NRG1: variants seen among roughly 807,000 people sequenced by gnomAD.
NRG1 encodes the protein pro-neuregulin-1, membrane-bound isoform.
Under a neutral mutation model 63.8 loss-of-function variants are expected in NRG1, and 18 were observed. The ratio of observed to expected loss-of-function variants is 0.28; its 90% CI spans 0.19 to 0.42. The LOEUF (loss-of-function observed/expected upper bound fraction) is 0.42. Among genes scored for constraint, NRG1 ranks in the 10% least tolerant of loss-of-function variants. The pLI, the probability that NRG1 is intolerant of heterozygous loss-of-function variation, is 1.00. For synonymous variants in NRG1, 302 were observed against 301.3 expected, an observed-to-expected ratio of 1.00 and a Z score of -0.02; for missense variants, 762 against 814.7, an observed-to-expected ratio of 0.94 and a Z score of 0.79.
rs1482364979 is a variant in NRG1, at chr8:32,742,701, G to A, written c.659G>A (p.Arg220His). The change falls in exon 7 of 12, where the codon CGC (arginine) becomes CAC (histidine). Residue 220 changes from arginine (R) to histidine (H), a missense_variant. This residue lies in a region of NRG1 where 122 missense variants were observed against 190.1 expected (regional missense o/e 0.64). Coordinates refer to ENST00000356819, the Ensembl canonical transcript of NRG1. This position sits in a 1 kb window ranked among gnomAD's most constrained non-coding sequence, Gnocchi z 4.2. ...TGCCCAAATGAGTTTACTGGTGATC[G>A]CTGCCAAAACTACGTAATGGCCAGC... The A allele has an allele frequency of 2.5e-6, 4 of 1,613,062 alleles. No homozygotes were observed. The highest frequency in any genetic ancestry group is 1.1e-5 in the South Asian group (1 of 91,026).
At chr8:32,595,349 C>T (rs60352007) in intron 1 of NRG1, among the ~76,000 whole-genome samples, 6,078 of 151,942 alleles carry the variant, frequency 0.04, 403 homozygotes, top group African/African-American at 0.14. Context: ...GCCACCATGC[C>T]GAGCTAATTT....
chr8:32,524,624 C>A (rs1340984514), intron 1 of NRG1, among the ~76,000 whole-genome samples: 1 of 152,098 alleles, frequency 6.6e-6, no homozygotes, highest in Admixed American at 6.6e-5. Flanking sequence ...AAACCAGACA[C>A]CGGTTTTTCC....
At chr8:32,390,673 A>C (rs1811634792) in intron 1 of NRG1, among the ~76,000 whole-genome samples, 1 of 151,836 alleles carries the variant, frequency 6.6e-6, no homozygotes, top group Non-Finnish European at 1.5e-5. Flanking sequence ...TTGAGACTAG[A>C]CACCCTCTTA....
At position 32,196,050 on chromosome 8, in the gene NRG1, T is replaced by C. The variant is rs139111316; in HGVS notation, c.38-399778T>C. On this transcript the variant is annotated intron_variant, in intron 1 of 10. Transcript: ENST00000519301. ...GTTACTAATAGTATTAGTTATTTAG[T>C]AAATTACTTTTGTACTAACCTAATA... 2.8e-3 allele frequency among the ~76,000 whole-genome samples: 420 copies of C among 152,214 alleles called. 1 individual carries two copies. The highest frequency in any genetic ancestry group is 9.7e-3 in the African/African-American group (402 of 41,520).
intron 5 of NRG1, among the ~76,000 whole-genome samples, chr8:32,700,439 T>A (rs1049371687): frequency 1.3e-5 from 2 of 152,180 alleles, no homozygotes; most frequent in Non-Finnish European, 2.9e-5. Flanking sequence ...AAATAACAGG[T>A]AAATACTTTT....
At chr8:32,487,632 C>T (rs4633020) in intron 1 of NRG1, among the ~76,000 whole-genome samples, 94,795 of 152,026 alleles carry the variant, frequency 0.62, 29,783 homozygotes, top group East Asian at 0.79. Flanking sequence ...TGCTTGAGAC[C>T]GCATCTGTAT....
At chr8:31,711,648 T>C (rs1811759823) in intron 1 of NRG1, among the ~76,000 whole-genome samples, 1 of 152,234 alleles carries the variant, frequency 6.6e-6, no homozygotes, top group African/African-American at 2.4e-5. Flanking sequence ...GTTTTTCCTT[T>C]TTAAGTACTC....
intron 5 of NRG1, among the ~76,000 whole-genome samples, chr8:32,688,129 C>A (rs1810654527): frequency 6.6e-6 from 1 of 152,128 alleles, no homozygotes; most frequent in African/African-American, 2.4e-5. Context: ...TGATGGTATA[C>A]AGAAAGGAAA....
At chr8:32,173,891 G>A (rs1840376571) in intron 1 of NRG1, among the ~76,000 whole-genome samples, 1 of 151,982 alleles carries the variant, frequency 6.6e-6, no homozygotes. Flanking sequence ...AATAATAATG[G>A]GAGACTTTAA....
intron 5 of NRG1, among the ~76,000 whole-genome samples, chr8:32,650,441 A>C (rs1854776773): frequency 6.6e-6 from 1 of 152,132 alleles, no homozygotes; most frequent in Non-Finnish European, 1.5e-5. Context: ...ACCTATAAGG[A>C]AACTCTGTTA....
intron 1 of NRG1, among the ~76,000 whole-genome samples, chr8:32,504,112 A>C (rs1383671087): frequency 6.6e-6 from 1 of 152,112 alleles, no homozygotes; most frequent in African/African-American, 2.4e-5. Flanking sequence ...GCTTGAGCCC[A>C]CTTACCCAAC....
chr8:32,545,371 G>A (rs1832972641), upstream of NRG1, among the ~76,000 whole-genome samples: 1 of 151,854 alleles, frequency 6.6e-6, no homozygotes, highest in African/African-American at 2.4e-5. Context: ...ATTTACCTGG[G>A]AGCTGATATA....
intron 1 of NRG1, among the ~76,000 whole-genome samples, chr8:32,282,834 C>A (rs574024983): frequency 6.6e-6 from 1 of 152,066 alleles, no homozygotes; most frequent in South Asian, 2.1e-4. Flanking sequence ...ATAATTTATT[C>A]TCATTCATAC....
chr8:31,961,661 T>C (rs939490547), intron 1 of NRG1, among the ~76,000 whole-genome samples: 5 of 152,178 alleles, frequency 3.3e-5, no homozygotes, highest in Non-Finnish European at 7.4e-5. Flanking sequence ...AAATTTACTA[T>C]GAAATCTGTA....
At chr8:32,076,751 C>T (rs780618262) in intron 1 of NRG1, among the ~76,000 whole-genome samples, 3 of 151,686 alleles carry the variant, frequency 2.0e-5, no homozygotes, top group Non-Finnish European at 4.4e-5. Flanking sequence ...CATGTAGATG[C>T]GTACTTTGAG....
intron 1 of NRG1, among the ~76,000 whole-genome samples, chr8:31,682,427 G>A (rs1478278190): frequency 1.3e-5 from 2 of 152,072 alleles, no homozygotes; most frequent in Admixed American, 1.3e-4. Flanking sequence ...TAACTCAGAG[G>A]TTCGTTAGCA....
chr8:32,520,748 A>T (rs1319880109), intron 1 of NRG1, among the ~76,000 whole-genome samples: 1 of 152,222 alleles, frequency 6.6e-6, no homozygotes, highest in Admixed American at 6.5e-5. Context: ...TGAAAATATT[A>T]GATAAAAAAT....
intron 1 of NRG1, among the ~76,000 whole-genome samples, chr8:32,489,234 C>T (rs1427951518): frequency 6.6e-6 from 1 of 152,120 alleles, no homozygotes; most frequent in African/African-American, 2.4e-5. Flanking sequence ...TGGCGTTGTA[C>T]ACATGCTCAC....
chr8:31,859,669 G>C (rs746286632), intron 1 of NRG1, among the ~76,000 whole-genome samples: 1 of 152,186 alleles, frequency 6.6e-6, no homozygotes. Flanking sequence ...TAGACAAAAA[G>C]TATGTTTGAT....
Sources: allele counts gnomAD v4.1 joint callset (sites outside exome capture counted in the v4.1 genomes callset), GRCh38; gene constraint gnomAD v4.1.1; regional missense constraint gnomAD v4.1.1; non-coding constraint Gnocchi (gnomAD v3.1); transcripts MANE v1.5; gene names NCBI Gene and HGNC (gene_info 2026-07-23, HGNC 2026-07-21).